Variants in MAPK8 observed in about 807,000 individuals in gnomAD.
MAPK8 encodes JUN N-terminal kinase.
In MAPK8, 13 loss-of-function variants were observed where a neutral mutation model predicts 52.9. That is an observed-to-expected ratio of 0.25 (90% CI 0.16 to 0.39). The LOEUF is 0.39. Among genes scored for constraint, MAPK8 ranks in the 10% least tolerant of loss-of-function variants. The pLI is 1.00. For missense variants in MAPK8, 300 were observed against 519.2 expected (o/e 0.58, Z 4.10); for synonymous variants, 191 against 169.8 (o/e 1.12, Z -0.97).
intron 2 of MAPK8, among the ~76,000 whole-genome samples, chr10:48,402,872 C>T (rs1015213969): frequency 1.3e-5 from 2 of 152,126 alleles, no homozygotes; most frequent in South Asian, 4.1e-4. Context: ...GTGATACAGT[C>T]ATGCTGTGAA....
chr10:48,412,361 C>T (rs928238174), intron 5 of MAPK8, among the ~76,000 whole-genome samples: 1 of 152,166 alleles, frequency 6.6e-6, no homozygotes, highest in Non-Finnish European at 1.5e-5. Flanking sequence ...ATTCATTCAG[C>T]AGCTTGGATA....
Position 48,404,975 on chromosome 10 carries a change from C to T in MAPK8, c.246C>T (p.His82=). 6.3e-7 allele frequency: 1 copy of T among 1,593,698 alleles called. No individual in the cohort carries two copies. The highest frequency in any genetic ancestry group is 8.5e-7 in the Non-Finnish European group (1 of 1,171,408). Residue 82 remains histidine (H), a synonymous_variant, in exon 3 of 12, where the codon CAC becomes CAT. Transcript: ENST00000374189. The part of the protein sequence containing the change: ...RELVLMKCVN[H]KNIIGLLNVF... ...TAGTTCTTATGAAATGTGTTAATCA[C>T]AAAAATGTAAGTGAACATTTTTGGT...
intron 1 of MAPK8, among the ~76,000 whole-genome samples, chr10:48,372,110 T>C (rs763446223): frequency 2.6e-5 from 4 of 152,126 alleles, no homozygotes; most frequent in African/African-American, 7.2e-5. Flanking sequence ...GATTAAATCA[T>C]TGGCCATTGG....
In MAPK8 at chr10:48,436,848, T is replaced by C. The variant is rs1038933980; in HGVS notation, c.*1819T>C. On this transcript the variant is annotated 3_prime_UTR_variant, in exon 12 of 12. Transcript: ENST00000374189. The stretch of plus-strand genomic sequence containing the variant: ...GGTGCATTAATTTGATTAGGCAAAT[T>C]AGAGTTCTAAGACACTTCTTGAATT... 5 of 152,222 alleles carry C rather than the reference T, an allele frequency of 3.3e-5. No individual in the cohort carries two copies. Among genetic ancestry groups the C allele is most frequent in the African/African-American group, 1.2e-4 (5 of 41,450 alleles). The allele number at this position is 152,222 out of a possible 1,614,324, so 9.4% of individuals were successfully genotyped here.
At position 48,438,282 on chromosome 10, in the gene MAPK8, T is replaced by C. The variant is rs1202031063; in HGVS notation, c.*3253T>C. On this transcript the variant is annotated 3_prime_UTR_variant, in exon 12 of 12. Transcript: ENST00000374189. ...CTCTCCGTATCCTGTTGCATTTTTG[T>C]GTGCATTGTGTTTCTACTGATCTCT... 1 of 152,226 alleles carries C rather than the reference T, an allele frequency of 6.6e-6. No homozygotes were observed. The highest frequency in any genetic ancestry group is 1.5e-5 in the Non-Finnish European group (1 of 68,042). 9.4% of individuals were successfully genotyped at this position (152,226 alleles called of 1,614,324 possible).
At chr10:48,384,171 G>A in intron 1 of MAPK8, among the ~76,000 whole-genome samples, 1 of 152,176 alleles carries the variant, frequency 6.6e-6, no homozygotes, top group East Asian at 1.9e-4. Flanking sequence ...AGAATCGCTT[G>A]AGCCGGAGAG....
intron 1 of MAPK8, among the ~76,000 whole-genome samples, chr10:48,368,470 C>T (rs1163687873): frequency 6.6e-6 from 1 of 152,184 alleles, no homozygotes; most frequent in Non-Finnish European, 1.5e-5. Context: ...ACTTTTAAAG[C>T]AGTTAATTGT....
intron 1 of MAPK8, among the ~76,000 whole-genome samples, chr10:48,338,822 G>A (rs1564500727): frequency 6.6e-6 from 1 of 151,454 alleles, no homozygotes; most frequent in African/African-American, 2.4e-5. Context: ...ATTTACAATA[G>A]ACACACACAA....
At chr10:48,406,609 ATGGGAAAAC>A (rs2042485056) in intron 3 of MAPK8, among the ~76,000 whole-genome samples, 1 of 152,214 alleles carries the variant, frequency 6.6e-6, no homozygotes, top group South Asian at 2.1e-4. Context: ...AAAGCTAAAT[ATGGGAAAAC>A]TGGAAATGGT....
chr10:48,389,336 T>C (rs753983898), intron 1 of MAPK8, among the ~76,000 whole-genome samples: 3 of 152,160 alleles, frequency 2.0e-5, no homozygotes, highest in Non-Finnish European at 4.4e-5. Flanking sequence ...GAGACTTCAT[T>C]CGTTAGAGCT....
intron 1 of MAPK8, among the ~76,000 whole-genome samples, chr10:48,395,998 C>T (rs2041868412): frequency 6.6e-6 from 1 of 151,828 alleles, no homozygotes; most frequent in Admixed American, 6.6e-5. Context: ...AAAGTGTGAA[C>T]TATAAAACTT....
rs144542624 is a variant in MAPK8, at chr10:48,310,338, A to G, written c.-50+3517A>G. ...CTTCTTGGGTGATAATCAGAAGCCT[A>G]AGTTAAGAACAGTAGTCAAAGTTAG... On this transcript the variant is annotated intron_variant, in intron 1 of 11. Coordinates refer to ENST00000374189, the MANE Select transcript of MAPK8 (RefSeq NM_001323329.2). 3.9e-3 allele frequency among the ~76,000 whole-genome samples: 600 copies of G among 152,354 alleles called. 2 individuals carry two copies. The highest frequency in any genetic ancestry group is 0.013 in the African/African-American group (559 of 41,586).
chr10:48,363,686 T>G (rs761238667), intron 1 of MAPK8, among the ~76,000 whole-genome samples: 1 of 152,250 alleles, frequency 6.6e-6, no homozygotes, highest in Non-Finnish European at 1.5e-5. Flanking sequence ...GAATTAAACT[T>G]ACATTTTTCT....
chr10:48,404,480 TTTC>T (rs1311315481), intron 2 of MAPK8, among the ~76,000 whole-genome samples: 1 of 152,160 alleles, frequency 6.6e-6, no homozygotes, highest in Admixed American at 6.5e-5. Context: ...TATCCTACCT[TTTC>T]TTGATGGAAG....
chr10:48,380,741 T>A (rs908636386), intron 1 of MAPK8, among the ~76,000 whole-genome samples: 7 of 152,018 alleles, frequency 4.6e-5, no homozygotes, highest in East Asian at 1.9e-4. Context: ...CTAAAAAAAA[T>A]AAATAAATAA....
At chr10:48,387,355 G>C (rs1353664301) in intron 1 of MAPK8, among the ~76,000 whole-genome samples, 1 of 152,148 alleles carries the variant, frequency 6.6e-6, no homozygotes, top group Non-Finnish European at 1.5e-5. Flanking sequence ...CTATTACGGA[G>C]GGTCTGTGGG....
chr10:48,319,860 A>G (rs1490672379), intron 1 of MAPK8, among the ~76,000 whole-genome samples: 1 of 152,048 alleles, frequency 6.6e-6, no homozygotes, highest in Non-Finnish European at 1.5e-5. Context: ...TATTTCACTT[A>G]GCATGATGTT....
At chr10:48,427,038 C>G (rs770334316) in intron 9 of MAPK8, 42 bp from the exon 10 acceptor site, 15 of 1,457,760 alleles carry the variant, frequency 1.0e-5, no homozygotes, top group Non-Finnish European at 1.4e-5. Flanking sequence ...TTAAAATACT[C>G]CCAGCATACT....
At chr10:48,409,629 T>A (rs1455385603) in intron 3 of MAPK8, among the ~76,000 whole-genome samples, 1 of 152,192 alleles carries the variant, frequency 6.6e-6, no homozygotes, top group Non-Finnish European at 1.5e-5. Context: ...TGCTTGATAA[T>A]TGACTGTTCA....
Sources: allele counts gnomAD v4.1 joint callset (sites outside exome capture counted in the v4.1 genomes callset), GRCh38; gene constraint gnomAD v4.1.1; transcripts MANE v1.5; gene names NCBI Gene and HGNC (gene_info 2026-07-23, HGNC 2026-07-21).